The following MATK variants were observed in gnomAD, a reference collection of about 807,000 sequenced individuals.
The protein encoded by MATK is megakaryocyte-associated tyrosine kinase.
MATK carries 41 observed loss-of-function variants against 59.8 expected under a neutral mutation model. The ratio of observed to expected loss-of-function variants is 0.69; its 90% confidence interval spans 0.53 to 0.89. MATK has a LOEUF of 0.89. Among genes scored for constraint, MATK ranks in the 40% least tolerant of loss-of-function variants. MATK has a pLI of 0.00. For missense variants in MATK, 593 were observed against 719.6 expected (o/e 0.82, Z 2.01); for synonymous variants, 308 against 306.1 (o/e 1.01, Z -0.06).
chr19:3,782,179 T>C (rs953516676), intron 7 of MATK, among the ~76,000 whole-genome samples: 1 of 152,072 alleles, frequency 6.6e-6, no homozygotes, highest in Non-Finnish European at 1.5e-5. Context: ...TGGAGACCCA[T>C]AAAGGTTCCA....
upstream of MATK, chr19:3,789,486 T>C (rs1347363009): frequency 1.8e-6 from 1 of 563,778 alleles, no homozygotes; most frequent in Non-Finnish European, 3.2e-6. Context: ...GAAGAAATAA[T>C]AAGGGGAACC....
chr19:3,781,562 A>T lies in MATK; in HGVS notation c.742+45T>A, dbSNP rs751866203. ...CTGTGACTCCAAAGCCTCAATACGC[A>T]CCTCCCATCTTCCTTCAGCACCCCC... On this transcript the variant is annotated intron_variant, in intron 8 of 13. Coordinates refer to ENST00000310132, the MANE Select transcript of MATK (RefSeq NM_139355.3). The T allele has an allele frequency of 4.4e-6, 7 of 1,597,230 alleles. No individual in the cohort carries two copies. The East Asian group carries it at 1.6e-4, about 36-fold the overall frequency.
chr19:3,789,152 CCTT>C (rs1308983992), upstream of MATK: 3 of 593,228 alleles, frequency 5.1e-6, no homozygotes, highest in Admixed American at 2.9e-5. Flanking sequence ...CTGCAGCTGT[CCTT>C]CTGTCACAGT....
chr19:3,801,746 C>G (rs1394309475), exon 1 of MATK: 1 of 152,200 alleles, frequency 6.6e-6, no homozygotes, highest in Non-Finnish European at 1.5e-5. Context: ...GGCCCGTGGA[C>G]TCCGCAGCCC....
chr19:3,781,560 G>GC, intron 8 of MATK, 47 bp downstream of exon 8: 2 of 1,592,380 alleles, frequency 1.3e-6, no homozygotes, highest in Admixed American at 1.7e-5. Context: ...GCCTCAATAC[G>GC]CACCTCCCAT....
intron 8 of MATK, 73 bp from the exon 9 acceptor site, chr19:3,779,870 G>T: frequency 1.1e-6 from 1 of 922,550 alleles, no homozygotes. Flanking sequence ...CAGACGGACA[G>T]GCCCGCTCAC....
chr19:3,795,137 C>T (rs977652037), intron 1 of MATK, among the ~76,000 whole-genome samples: 22 of 151,894 alleles, frequency 1.4e-4, no homozygotes, highest in African/African-American at 5.3e-4. Flanking sequence ...GCCACCACAC[C>T]CGCCTAATTT....
In MATK at chr19:3,784,936, G is replaced by A. The variant is rs376753163; in HGVS notation, c.73-52C>T. On this transcript the variant is annotated intron_variant, in intron 2 of 13. Coordinates refer to ENST00000310132, the MANE Select transcript of MATK (RefSeq NM_139355.3). ...GAGCTGGGCTGGGACCCACGGTCCA[G>A]TTCCTACCACTTCCAGCCCAGGTCA... 77 of 1,427,586 alleles carry A rather than the reference G, an allele frequency of 5.4e-5. No individual in the cohort carries two copies. The African/African-American group carries it at 9.5e-4, about 18-fold the overall frequency. The allele number at this position is 1,427,586 out of a possible 1,614,324, so 88.4% of individuals were successfully genotyped here. A position where few individuals can be genotyped will look rare whatever the true frequency, so the allele number is the denominator to read the frequency against.
At chr19:3,799,832 C>A (rs922373837) in intron 1 of MATK, among the ~76,000 whole-genome samples, 7 of 148,904 alleles carry the variant, frequency 4.7e-5, no homozygotes, top group African/African-American at 1.7e-4. Flanking sequence ...CAGAGCGAGA[C>A]CTTGTCTCAA....
At chr19:3,788,395 G>A (rs201530142), upstream of MATK, among the ~76,000 whole-genome samples, 23 of 151,098 alleles carry the variant, frequency 1.5e-4, no homozygotes, top group African/African-American at 5.1e-4. Context: ...AGGCCGAGGC[G>A]GGTGGATCAC....
chr19:3,784,599 G>A, intron 3 of MATK, 148 bp from the exon 4 acceptor site: 2 of 653,464 alleles, frequency 3.1e-6, no homozygotes, highest in Admixed American at 2.6e-5. Flanking sequence ...CAGACATCGG[G>A]GGAAAGAAAG....
intron 1 of MATK, among the ~76,000 whole-genome samples, chr19:3,794,975 C>CTTTTTT (rs532158792): frequency 2.2e-4 from 24 of 107,888 alleles, no homozygotes; most frequent in East Asian, 5.7e-4. Context: ...TTTTCTTTTG[C>CTTTTTT]TTTTTTTTTT....
chr19:3,779,729 G>A lies in MATK; in HGVS notation c.811C>T (p.Gln271Ter). 1.2e-6 allele frequency: 2 copies of A among 1,613,120 alleles called. No individual in the cohort carries two copies. The highest frequency in any genetic ancestry group is 1.7e-5 in the Admixed American group (1 of 60,022). The change falls in exon 9 of 14, where the codon CAG becomes TAG. Residue 271 changes from glutamine to a stop codon, truncating the protein, a stop_gained. Transcript: ENST00000310132. LOFTEE classifies it high-confidence loss of function. ...ACGGCCGTCTCGTCCAGGAAGGCCT[G>A]GGCTGTCACATCACACTTGATATTC... The part of the protein sequence containing the change: ...VKNIKCDVTA[Q>*]AFLDETAVMT...
At chr19:3,780,053 G>A (rs1434156032) in intron 8 of MATK, among the ~76,000 whole-genome samples, 4 of 152,226 alleles carry the variant, frequency 2.6e-5, no homozygotes, top group Non-Finnish European at 5.9e-5. Context: ...GGCTGAGGCA[G>A]GCGGATCACC....
intron 2 of MATK, 50 bp downstream of exon 2, chr19:3,785,014 A>G (rs2037460407): frequency 1.9e-6 from 3 of 1,582,456 alleles, no homozygotes; most frequent in Non-Finnish European, 2.6e-6. Flanking sequence ...GGCATCCTGG[A>G]TGGGACCCAG....
At chr19:3,781,186 G>A (rs1442240664) in intron 8 of MATK, among the ~76,000 whole-genome samples, 1 of 152,076 alleles carries the variant, frequency 6.6e-6, no homozygotes, top group African/African-American at 2.4e-5. Flanking sequence ...ACTCCACAAG[G>A]GCAGGATTCA....
At chr19:3,788,512 C>T (rs1032745080), upstream of MATK, among the ~76,000 whole-genome samples, 59 of 148,424 alleles carry the variant, frequency 4.0e-4, no homozygotes, top group Admixed American at 8.2e-4. Flanking sequence ...CCCAGCTACT[C>T]GGGAGGCCAA....
In MATK at chr19:3,779,413, G is replaced by A. The variant is rs780149618; in HGVS notation, c.966C>T (p.Ala322=). 1.9e-6 allele frequency: 3 copies of A among 1,613,296 alleles called. No homozygotes were observed. The highest frequency in any genetic ancestry group is 2.2e-5 in the South Asian group (2 of 91,090). The change falls in exon 11 of 14, where the codon GCC becomes GCT. Residue 322 remains alanine (A), a synonymous_variant. Transcript: ENST00000310132. ...LVNFLRTRGR[A]LVNTAQLLQF... ...GCAGGAGCTGAGCGGTGTTCACGAG[G>A]GCTCGACCCCGGGTCCGCAGAAAGT...
chr19:3,779,992 C>A (rs1438919092), intron 8 of MATK, among the ~76,000 whole-genome samples, 195 bp from the exon 9 acceptor site: 1 of 152,192 alleles, frequency 6.6e-6, no homozygotes, highest in Non-Finnish European at 1.5e-5. Flanking sequence ...GATCAGAGAA[C>A]CATCTGGCTC....
Sources: allele counts gnomAD v4.1 joint callset (sites outside exome capture counted in the v4.1 genomes callset), GRCh38; gene constraint gnomAD v4.1.1; transcripts MANE v1.5; gene names NCBI Gene and HGNC (gene_info 2026-07-23, HGNC 2026-07-21).